The following SNX27 variants were observed in gnomAD, a reference collection of about 807,000 sequenced individuals.
SNX27 encodes the protein sorting nexin 27.
SNX27 carries 22 observed loss-of-function variants against 71.6 expected under a neutral mutation model. The ratio of observed to expected loss-of-function variants is 0.31; its 90% CI spans 0.22 to 0.44. The LOEUF is 0.44. Among genes scored for constraint, SNX27 ranks in the 20% least tolerant of loss-of-function variants. The pLI is 1.00. For synonymous variants in SNX27, 269 were observed against 277.2 expected, an observed-to-expected ratio of 0.97 and a Z score of 0.29; for missense variants, 531 against 698.6, an observed-to-expected ratio of 0.76 and a Z score of 2.70.
intron 1 of SNX27, among the ~76,000 whole-genome samples, chr1:151,635,660 T>A (rs992944439): frequency 2.0e-5 from 3 of 152,216 alleles, no homozygotes; most frequent in Admixed American, 2.0e-4. Context: ...TATTTCATTC[T>A]CTGAAGAATG....
chr1:151,634,644 C>T (rs921367554), intron 1 of SNX27, among the ~76,000 whole-genome samples: 1 of 152,142 alleles, frequency 6.6e-6, no homozygotes, highest in African/African-American at 2.4e-5. Flanking sequence ...TGTGTCTTTA[C>T]AATGCCAAAG....
chr1:151,620,504 T>C (rs942892842), intron 1 of SNX27, among the ~76,000 whole-genome samples: 4 of 134,206 alleles, frequency 3.0e-5, no homozygotes, highest in Non-Finnish European at 6.6e-5. Context: ...GCTGGTTGCC[T>C]TTAACTTGTG....
chr1:151,629,179 T>G (rs1668079732), intron 1 of SNX27: 1 of 148,980 alleles, frequency 6.7e-6, no homozygotes, highest in Admixed American at 6.6e-5. Context: ...TGTTTACAAT[T>G]TTACATGATT....
In SNX27 at chr1:151,692,451, G is replaced by A. The variant is rs1314203228; in HGVS notation, c.1256G>A (p.Arg419Lys). ...TTTTTTTAGTACCTCAACATGCTAA[G>A]GACTTGTGAGGGCTACAATGAAATC... ...RKMVMYLNML[R>K]TCEGYNEIIF... Residue 419 changes from arginine (R) to lysine (K), a missense_variant, in exon 9 of 12, where the codon AGG becomes AAG. Arg to Lys is a conservative substitution (Grantham distance 26, BLOSUM62 2). Coordinates refer to ENST00000458013, the MANE Select transcript of SNX27 (RefSeq NM_001330723.2). 5.1e-6 allele frequency: 3 copies of A among 588,358 alleles called. No homozygotes were observed. Among genetic ancestry groups the A allele is most frequent in the Non-Finnish European group, 9.0e-6 (3 of 334,196 alleles). 36.4% of individuals were successfully genotyped at this position (588,358 alleles called of 1,614,324 possible).
At chr1:151,683,894 T>G (rs1671076941) in intron 8 of SNX27, among the ~76,000 whole-genome samples, 1 of 152,202 alleles carries the variant, frequency 6.6e-6, no homozygotes, top group Non-Finnish European at 1.5e-5. Context: ...CTCGAACTCT[T>G]GACCTCAGGT....
chr1:151,675,331 C>A (rs1670635156), intron 7 of SNX27, among the ~76,000 whole-genome samples: 1 of 152,066 alleles, frequency 6.6e-6, no homozygotes, highest in South Asian at 2.1e-4. Context: ...TAATTGGAAG[C>A]CCTCTTTTAG....
Position 151,693,419 on chromosome 1 carries a change from T to C in SNX27, c.1519-5T>C. The C allele has an allele frequency of 1.9e-6, 3 of 1,614,156 alleles. No individual in the cohort carries two copies. The highest frequency in any genetic ancestry group is 2.5e-6 in the Non-Finnish European group (3 of 1,180,000). ...GTTAGTGAGTGTCACCACCTTTTTT[T>C]TCAGTTCAATTACATGCATGAGTGC... On this transcript the variant is annotated splice_polypyrimidine_tract_variant and splice_region_variant and intron_variant, in intron 10 of 11. Transcript: ENST00000458013.
intron 2 of SNX27, among the ~76,000 whole-genome samples, chr1:151,657,100 A>G (rs1240133498): frequency 1.3e-5 from 2 of 152,198 alleles, no homozygotes; most frequent in African/African-American, 4.8e-5. Flanking sequence ...ATTATTTTCA[A>G]GATCTTAGCT....
intron 1 of SNX27, chr1:151,613,991 A>G (rs1436126163): frequency 2.0e-5 from 3 of 151,918 alleles, no homozygotes; most frequent in Non-Finnish European, 4.4e-5. Flanking sequence ...CCTCTTGTAA[A>G]ACAGTAGGTT....
chr1:151,627,780 C>T (rs1399168851), intron 1 of SNX27, among the ~76,000 whole-genome samples: 2 of 152,118 alleles, frequency 1.3e-5, no homozygotes, highest in Non-Finnish European at 2.9e-5. Context: ...TGCATTATGT[C>T]ATATATGCAC....
At chr1:151,641,274 CCAAA>C (rs1399917871) in intron 2 of SNX27, among the ~76,000 whole-genome samples, 1 of 152,040 alleles carries the variant, frequency 6.6e-6, no homozygotes, top group Non-Finnish European at 1.5e-5. Context: ...TAAAAAACTG[CCAAA>C]CAGTTTTCCA....
At chr1:151,666,374 G>A (rs760395812) in intron 6 of SNX27, 49 of 164,914 alleles carry the variant, frequency 3.0e-4, no homozygotes. Context: ...ATTCTTAAGC[G>A]TAGCTTTCTG....
At chr1:151,656,435 T>G (rs1669696813) in intron 2 of SNX27, among the ~76,000 whole-genome samples, 1 of 152,154 alleles carries the variant, frequency 6.6e-6, no homozygotes, top group African/African-American at 2.4e-5. Context: ...TGAAGAGATA[T>G]TAAACATCAT....
At chr1:151,692,781 A>G in intron 9 of SNX27, 130 bp from the exon 10 acceptor site, 1 of 1,409,464 alleles carries the variant, frequency 7.1e-7, no homozygotes, top group South Asian at 1.3e-5. Flanking sequence ...CTTCTATCAC[A>G]GTCCTTTCTC....
At chr1:151,636,190 A>C (rs1008455450) in intron 1 of SNX27, among the ~76,000 whole-genome samples, 5 of 152,248 alleles carry the variant, frequency 3.3e-5, no homozygotes, top group African/African-American at 1.2e-4. Flanking sequence ...AAGGAAAAAA[A>C]ATCAGGGAAC....
intron 1 of SNX27, among the ~76,000 whole-genome samples, chr1:151,618,892 A>G (rs944525904): frequency 3.9e-5 from 6 of 152,074 alleles, no homozygotes; most frequent in African/African-American, 1.4e-4. Flanking sequence ...GAGCCCATGG[A>G]TGGGTTGGTA....
intron 2 of SNX27, among the ~76,000 whole-genome samples, chr1:151,645,077 G>A (rs1282139926): frequency 6.6e-6 from 1 of 151,896 alleles, no homozygotes; most frequent in African/African-American, 2.4e-5. Flanking sequence ...TGGGATTACA[G>A]GTGTGAGCCC....
intron 8 of SNX27, among the ~76,000 whole-genome samples, chr1:151,686,451 A>G (rs1279723285): frequency 6.6e-6 from 1 of 152,230 alleles, no homozygotes; most frequent in African/African-American, 2.4e-5. Flanking sequence ...ATAGACAGAT[A>G]TGTTTCCCCA....
intron 3 of SNX27, 126 bp from the exon 4 acceptor site, chr1:151,660,672 A>G (rs1669923931): frequency 1.4e-6 from 1 of 693,476 alleles, no homozygotes; most frequent in Non-Finnish European, 2.6e-6. Context: ...TTGCTGCCTC[A>G]TTATTGCCTG....
Sources: gnomAD v4.1 joint callset for allele counts (sites outside exome capture counted in the v4.1 genomes callset) on GRCh38, gnomAD v4.1.1 for gene constraint, MANE v1.5 for transcripts, NCBI Gene and HGNC (gene_info 2026-07-23, HGNC 2026-07-21) for gene names.